Variants in CUX2 observed in about 807,000 individuals in gnomAD.
The protein encoded by CUX2 is cut like homeobox 2, also known as homeobox protein cut-like 2.
A neutral mutation model predicts 144.8 loss-of-function variants in CUX2; 40 were observed. The ratio of observed to expected loss-of-function variants is 0.28; its 90% confidence interval spans 0.21 to 0.36. CUX2 has a LOEUF of 0.36. Among genes scored for constraint, CUX2 ranks in the 10% least tolerant of loss-of-function variants. The pLI is 1.00. For missense variants in CUX2, 1,615 were observed against 1,994.0 expected, an observed-to-expected ratio of 0.81 and a Z score of 3.62; for synonymous variants, 827 against 875.6, an observed-to-expected ratio of 0.94 and a Z score of 0.98.
At chr12:111,331,428 GC>G (rs1888116988) in intron 18 of CUX2, among the ~76,000 whole-genome samples, 2 of 152,146 alleles carry the variant, frequency 1.3e-5, no homozygotes, top group African/African-American at 2.4e-5. Flanking sequence ...TGTGGCCAGT[GC>G]TGGGATTCCT....
intron 21 of CUX2, among the ~76,000 whole-genome samples, chr12:111,345,281 C>G (rs1234874115): frequency 6.7e-6 from 1 of 149,420 alleles, no homozygotes; most frequent in African/African-American, 2.5e-5. Context: ...AACCCTGTCT[C>G]TACTAAAAAT....
chr12:111,165,569 A>G (rs1878087291), intron 1 of CUX2, among the ~76,000 whole-genome samples: 1 of 152,206 alleles, frequency 6.6e-6, no homozygotes, highest in African/African-American at 2.4e-5. Flanking sequence ...CCACTTGCTC[A>G]CTGTATGACC....
In CUX2 at chr12:111,341,859, C is replaced by G; in HGVS notation, c.3465C>G (p.Ser1155Arg). 1 of 1,613,908 alleles carries G rather than the reference C, an allele frequency of 6.2e-7. No individual in the cohort carries two copies. The highest frequency in any genetic ancestry group is 8.5e-7 in the Non-Finnish European group (1 of 1,180,012). The change falls in exon 21 of 22, where the codon AGC becomes AGG. Residue 1155 changes from serine (S) to arginine (R), a missense_variant. By Grantham distance (110) the Ser-to-Arg change is moderately radical. This residue lies in a region of CUX2 where 131 missense variants were observed against 223.1 expected (regional missense o/e 0.59). Coordinates refer to ENST00000261726, the MANE Select transcript of CUX2 (RefSeq NM_015267.4). ...CGGCCACCCGCTCAGAGTGCCCCAG[C>G]CCCTGCCTGCAGCCCCAGGACCTGA... Reference protein sequence around the residue: ...ESPATRSECPSPCLQPQDLSL... With the variant: ...ESPATRSECPRPCLQPQDLSL...
intron 3 of CUX2, among the ~76,000 whole-genome samples, chr12:111,220,143 C>CAA (rs61639519): frequency 0.012 from 1,301 of 108,698 alleles, 18 homozygotes; most frequent in African/African-American, 0.041. Context: ...GACTCTGTCT[C>CAA]AAAAAAAAAA....
At chr12:111,036,135 G>A (rs1160048594) in intron 1 of CUX2, among the ~76,000 whole-genome samples, 2 of 152,378 alleles carry the variant, frequency 1.3e-5, no homozygotes, top group South Asian at 2.1e-4. Flanking sequence ...GCACACAAGA[G>A]GAGAGGAACC....
chr12:111,275,868 G>A (rs1299524168), intron 4 of CUX2, among the ~76,000 whole-genome samples: 5 of 152,080 alleles, frequency 3.3e-5, no homozygotes, highest in African/African-American at 1.2e-4. Flanking sequence ...GGCGGCCCAG[G>A]CTCAAGGTCT....
At chr12:111,317,456 A>G (rs1224043123) in intron 16 of CUX2, among the ~76,000 whole-genome samples, 1 of 152,116 alleles carries the variant, frequency 6.6e-6, no homozygotes, top group Non-Finnish European at 1.5e-5. Flanking sequence ...GCATTCATTC[A>G]TTCGTTCACT....
chr12:111,045,005 G>A (rs890375041), intron 1 of CUX2, among the ~76,000 whole-genome samples: 3 of 152,238 alleles, frequency 2.0e-5, no homozygotes, highest in Admixed American at 6.5e-5. Context: ...GGCCATAAGC[G>A]ATGATTTGGT....
chr12:111,346,459 G>C (rs1888809467), intron 21 of CUX2, among the ~76,000 whole-genome samples: 2 of 146,982 alleles, frequency 1.4e-5, no homozygotes, highest in South Asian at 4.3e-4. Flanking sequence ...CTGGGCAACA[G>C]AGCGAGACTC....
chr12:111,251,315 AAG>A (rs1883550096), intron 3 of CUX2, among the ~76,000 whole-genome samples: 1 of 152,196 alleles, frequency 6.6e-6, no homozygotes, highest in Admixed American at 6.5e-5. Flanking sequence ...TTTCCCCCAG[AAG>A]AGAGAGAACG....
intron 3 of CUX2, among the ~76,000 whole-genome samples, chr12:111,243,186 G>T (rs1883116232): frequency 6.6e-6 from 1 of 152,052 alleles, no homozygotes; most frequent in South Asian, 2.1e-4. Context: ...TAAAATAATT[G>T]GTCAGTCCCA....
chr12:111,183,637 G>C lies in CUX2; in HGVS notation c.64-30563G>C, dbSNP rs553884883. On this transcript the variant is annotated intron_variant, in intron 1 of 21. Coordinates refer to ENST00000261726, the MANE Select transcript of CUX2 (RefSeq NM_015267.4). ...TAGCTTTGTGTGACCTTGGGCAAGT[G>C]ACTAAACCTCTCTGGGCGTCACTTC... 3.7e-4 allele frequency among the ~76,000 whole-genome samples: 56 copies of C among 152,344 alleles called. 2 individuals are homozygous for C. In the South Asian group the frequency reaches 6.6e-3, roughly 18 times the overall value.
intron 16 of CUX2, among the ~76,000 whole-genome samples, chr12:111,313,403 G>A (rs890595683): frequency 6.6e-6 from 1 of 151,120 alleles, no homozygotes; most frequent in African/African-American, 2.4e-5. Context: ...ACTGTGGGAG[G>A]CCGAGGCGGG....
At chr12:111,347,402 G>A (rs1019672953) in intron 21 of CUX2, 122 bp from the exon 22 acceptor site, 1 of 835,798 alleles carries the variant, frequency 1.2e-6, no homozygotes, top group African/African-American at 1.7e-5. Context: ...TGCAAGTATG[G>A]AGGCTTAGTG....
At chr12:111,155,912 A>T (rs138938856) in intron 1 of CUX2, among the ~76,000 whole-genome samples, 1 of 142,586 alleles carries the variant, frequency 7.0e-6, no homozygotes, top group African/African-American at 3.0e-5. Context: ...TGCCTGAAAC[A>T]GCTTAAAAAA....
intron 17 of CUX2, among the ~76,000 whole-genome samples, chr12:111,321,464 A>G (rs1319746607): frequency 1.3e-5 from 2 of 151,718 alleles, no homozygotes; most frequent in Non-Finnish European, 1.5e-5. Context: ...ACGATACTCC[A>G]TCTCAAAAGA....
At chr12:111,256,681 G>A (rs1226779759) in intron 3 of CUX2, among the ~76,000 whole-genome samples, 1 of 152,128 alleles carries the variant, frequency 6.6e-6, no homozygotes, top group African/African-American at 2.4e-5. Context: ...GGAGTGAGAG[G>A]CACCTGGGCA....
In CUX2 at chr12:111,291,399, T is replaced by G. The variant is rs371331581; in HGVS notation, c.302-19T>G. 4.5e-5 allele frequency: 72 copies of G among 1,585,612 alleles called. No individual in the cohort carries two copies. The highest frequency in any genetic ancestry group is 6.2e-5 in the Non-Finnish European group (72 of 1,166,342). ...ATCCATCAGGCCCTCACTATCCCTG[T>G]CTTTCTCTCCCTGCACAGACCCCGT... On this transcript the variant is annotated intron_variant, in intron 4 of 21. Transcript: ENST00000261726.
chr12:111,194,357 C>G (rs377244074), intron 1 of CUX2, among the ~76,000 whole-genome samples: 1 of 152,190 alleles, frequency 6.6e-6, no homozygotes, highest in Non-Finnish European at 1.5e-5. Context: ...CAGGCTAGAC[C>G]CGAGTTTGCA....
Sources: allele counts gnomAD v4.1 joint callset (sites outside exome capture counted in the v4.1 genomes callset), GRCh38; gene constraint gnomAD v4.1.1; regional missense constraint gnomAD v4.1.1; transcripts MANE v1.5; gene names NCBI Gene and HGNC (gene_info 2026-07-23, HGNC 2026-07-21).